The following ZNF385D variants were observed in gnomAD, a reference collection of about 807,000 sequenced individuals.
ZNF385D encodes the protein zinc finger protein 659.
Under a neutral mutation model 35.8 loss-of-function variants are expected in ZNF385D, and 15 were observed. That is an observed-to-expected ratio of 0.42 (90% CI 0.28 to 0.64). The LOEUF (loss-of-function observed/expected upper bound fraction) is 0.64. Among genes scored for constraint, ZNF385D ranks in the 30% least tolerant of loss-of-function variants. The pLI is 0.23. For synonymous variants in ZNF385D, 212 were observed against 186.8 expected, an observed-to-expected ratio of 1.13 and a Z score of -1.10; for missense variants, 474 against 494.6, an observed-to-expected ratio of 0.96 and a Z score of 0.39.
intron 3 of ZNF385D, among the ~76,000 whole-genome samples, chr3:21,835,976 G>A (rs2670282): frequency 0.89 from 135,299 of 152,000 alleles, 60,466 homozygotes; most frequent in African/African-American, 0.96. Flanking sequence ...GGTGAGGAGT[G>A]AATAGTCTAT....
At chr3:22,186,149 G>C (rs192320686) in intron 2 of ZNF385D, among the ~76,000 whole-genome samples, 1 of 152,234 alleles carries the variant, frequency 6.6e-6, no homozygotes, top group East Asian at 1.9e-4. Flanking sequence ...CGTAATTGGA[G>C]TTAGAAAGTG....
chr3:22,281,935 G>C (rs1701765413), intron 2 of ZNF385D, among the ~76,000 whole-genome samples: 1 of 151,964 alleles, frequency 6.6e-6, no homozygotes. Flanking sequence ...CTTGTTATTG[G>C]TCTGTTCAGA....
chr3:22,178,253 C>T (rs1042755584), intron 2 of ZNF385D, among the ~76,000 whole-genome samples: 2 of 152,140 alleles, frequency 1.3e-5, no homozygotes, highest in Non-Finnish European at 2.9e-5. Context: ...CCTGTTGTTT[C>T]CTGACTTTTT....
intron 3 of ZNF385D, among the ~76,000 whole-genome samples, chr3:21,540,325 C>A (rs2062142408): frequency 6.6e-6 from 1 of 152,036 alleles, no homozygotes; most frequent in Non-Finnish European, 1.5e-5. Context: ...CTCAATGAGA[C>A]CTAAATGTAA....
intron 3 of ZNF385D, among the ~76,000 whole-genome samples, chr3:21,828,699 G>T (rs2630816): frequency 1.3e-5 from 2 of 152,034 alleles, no homozygotes; most frequent in Non-Finnish European, 2.9e-5. Context: ...CAACCTTAGT[G>T]GCTTAAAACA....
chr3:21,745,013 G>C (rs2069698665), intron 1 of ZNF385D, among the ~76,000 whole-genome samples: 2 of 152,104 alleles, frequency 1.3e-5, no homozygotes, highest in Non-Finnish European at 2.9e-5. Flanking sequence ...CACCCATTCA[G>C]TCTTGCACAT....
intron 1 of ZNF385D, among the ~76,000 whole-genome samples, chr3:21,736,898 A>G (rs1014805028): frequency 2.0e-4 from 30 of 152,236 alleles, no homozygotes; most frequent in Admixed American, 5.9e-4. Context: ...CATTTTGGCA[A>G]TAAGCGTAAG....
intron 2 of ZNF385D, among the ~76,000 whole-genome samples, chr3:22,315,802 G>A (rs1453432487): frequency 2.0e-5 from 3 of 151,354 alleles, no homozygotes; most frequent in Non-Finnish European, 4.4e-5. Flanking sequence ...AAGCAAGGAT[G>A]ATAATAGCCC....
chr3:22,290,073 G>C (rs1050989603), intron 2 of ZNF385D, among the ~76,000 whole-genome samples: 3 of 152,154 alleles, frequency 2.0e-5, no homozygotes, highest in African/African-American at 7.2e-5. Context: ...CTGCTACATT[G>C]TTTTGTGTTC....
rs141969541 is a variant in ZNF385D, at chr3:21,869,072, G to A, written c.326-204044C>T. Among the ~76,000 whole-genome samples, 575 of 152,088 alleles carry A rather than the reference G, an allele frequency of 3.8e-3. 5 individuals carry two copies. The highest frequency in any genetic ancestry group is 0.013 in the African/African-American group (549 of 41,494). On this transcript the variant is annotated intron_variant, in intron 3 of 5. Coordinates refer to the ZNF385D transcript ENST00000494108. The stretch of plus-strand genomic sequence containing the variant: ...GTTTATTTTTTAAACTTACAGCGTC[G>A]GTTTTCCCTTCTACAAAAGTTGTAT...
chr3:22,257,142 A>G (rs148876346), intron 2 of ZNF385D, among the ~76,000 whole-genome samples: 2 of 152,000 alleles, frequency 1.3e-5, no homozygotes, highest in East Asian at 1.9e-4. Flanking sequence ...TAATTTTTCA[A>G]TAACAATATA....
chr3:22,319,714 A>G (rs567299203), intron 2 of ZNF385D, among the ~76,000 whole-genome samples: 1 of 152,302 alleles, frequency 6.6e-6, no homozygotes, highest in South Asian at 2.1e-4. Context: ...TACTACAAAA[A>G]TATTGGTAAA....
chr3:22,106,218 G>T (rs1481030861), intron 3 of ZNF385D, among the ~76,000 whole-genome samples: 1 of 152,072 alleles, frequency 6.6e-6, no homozygotes, highest in Non-Finnish European at 1.5e-5. Flanking sequence ...TAGGTTGTAA[G>T]GAAACTGGTC....
intron 4 of ZNF385D, among the ~76,000 whole-genome samples, chr3:21,481,419 C>T (rs141176989): frequency 1.2e-3 from 186 of 152,266 alleles, no homozygotes; most frequent in African/African-American, 4.5e-3. Flanking sequence ...CATACACATT[C>T]TCCTCTAAAA....
At chr3:21,688,436 GTAAT>G (rs913723563) in intron 1 of ZNF385D, among the ~76,000 whole-genome samples, 6 of 151,884 alleles carry the variant, frequency 4.0e-5, no homozygotes, top group African/African-American at 1.5e-4. Context: ...AAATTTAAAG[GTAAT>G]TAATAATTTA....
chr3:21,963,727 T>C (rs1220169427), intron 3 of ZNF385D, among the ~76,000 whole-genome samples: 2 of 152,186 alleles, frequency 1.3e-5, no homozygotes, highest in African/African-American at 4.8e-5. Flanking sequence ...GTAATTGTGA[T>C]AACCTAATAA....
intron 3 of ZNF385D, among the ~76,000 whole-genome samples, chr3:21,781,101 A>G (rs1022881323): frequency 6.6e-6 from 1 of 152,070 alleles, no homozygotes; most frequent in African/African-American, 2.4e-5. Flanking sequence ...AGGAGATAAT[A>G]AGCAAGAGAG....
chr3:22,359,727 G>A (rs1213564053), intron 2 of ZNF385D, among the ~76,000 whole-genome samples: 1 of 151,740 alleles, frequency 6.6e-6, no homozygotes, highest in Admixed American at 6.6e-5. Context: ...TGAGATAACG[G>A]GAATGCCAGT....
intron 3 of ZNF385D, among the ~76,000 whole-genome samples, chr3:22,119,018 A>G (rs573294125): frequency 2.2e-4 from 34 of 152,234 alleles, no homozygotes; most frequent in African/African-American, 7.2e-4. Flanking sequence ...TTTTTCAGGG[A>G]TTACCTAATT....
Sources: gnomAD v4.1 joint callset for allele counts (sites outside exome capture counted in the v4.1 genomes callset) on GRCh38, gnomAD v4.1.1 for gene constraint, MANE v1.5 for transcripts, NCBI Gene and HGNC (gene_info 2026-07-23, HGNC 2026-07-21) for gene names.